The following DNAJC6 variants were observed in gnomAD, a reference collection of about 807,000 sequenced individuals.
The protein encoded by DNAJC6 is auxilin.
Under a neutral mutation model 110.0 loss-of-function variants are expected in DNAJC6, and 34 were observed. The observed-to-expected ratio is 0.31, with a 90% CI of 0.24 to 0.41. The LOEUF (loss-of-function observed/expected upper bound fraction) is 0.41. DNAJC6 is among the 10% of genes least tolerant of loss of function. The pLI, the probability that DNAJC6 is intolerant of heterozygous loss-of-function variation, is 1.00. For missense variants in DNAJC6, 1,031 were observed against 1,207.8 expected (o/e 0.85, Z 2.17); for synonymous variants, 406 against 437.2 (o/e 0.93, Z 0.89).
At chr1:65,319,330 C>T (rs867905600) in intron 1 of DNAJC6, among the ~76,000 whole-genome samples, 1 of 151,930 alleles carries the variant, frequency 6.6e-6, no homozygotes, top group Non-Finnish European at 1.5e-5. Context: ...TGTGCAGATG[C>T]CCAGGGGAGT....
intron 1 of DNAJC6, among the ~76,000 whole-genome samples, chr1:65,291,282 C>T (rs1403241101): frequency 2.0e-5 from 3 of 152,184 alleles, no homozygotes; most frequent in Non-Finnish European, 4.4e-5. Flanking sequence ...ATCCACCCAC[C>T]TTGGCCTCCC....
At chr1:65,348,772 T>C (rs1645460561) in intron 1 of DNAJC6, among the ~76,000 whole-genome samples, 1 of 150,902 alleles carries the variant, frequency 6.6e-6, no homozygotes, top group African/African-American at 2.4e-5. Context: ...ATTATTAATA[T>C]AATTGGGATT....
At chr1:65,300,794 T>C (rs11208621) in intron 1 of DNAJC6, among the ~76,000 whole-genome samples, 14,556 of 152,222 alleles carry the variant, frequency 0.096, 922 homozygotes, top group East Asian at 0.24. Flanking sequence ...AGTGATTTGG[T>C]GCTCTGGAGA....
intron 1 of DNAJC6, among the ~76,000 whole-genome samples, chr1:65,349,619 A>G (rs1460893285): frequency 6.6e-6 from 1 of 152,176 alleles, no homozygotes; most frequent in Non-Finnish European, 1.5e-5. Context: ...GCACTCTAAA[A>G]AAATTCATTT....
chr1:65,289,179 G>C (rs1341437253), intron 1 of DNAJC6, among the ~76,000 whole-genome samples: 1 of 152,054 alleles, frequency 6.6e-6, no homozygotes, highest in Non-Finnish European at 1.5e-5. Flanking sequence ...ACCAACATTT[G>C]ATACTGTCAG....
chr1:65,398,746 G>C (rs1428754249), intron 13 of DNAJC6, 67 bp from the exon 14 acceptor site: 1 of 1,546,428 alleles, frequency 6.5e-7, no homozygotes, highest in African/African-American at 1.4e-5. Context: ...GCATTATCCT[G>C]TGTGAACTCA....
At chr1:65,310,153 CTG>C (rs1393896783) in intron 1 of DNAJC6, among the ~76,000 whole-genome samples, 2 of 146,478 alleles carry the variant, frequency 1.4e-5, no homozygotes, top group Non-Finnish European at 3.0e-5. Context: ...GGCCCAGAGA[CTG>C]TAGCGAGCTC....
At chr1:65,312,834 C>G (rs1479566990) in intron 1 of DNAJC6, among the ~76,000 whole-genome samples, 1 of 152,230 alleles carries the variant, frequency 6.6e-6, no homozygotes, top group Non-Finnish European at 1.5e-5. Flanking sequence ...ACAGATAGCT[C>G]TGTCACCCAG....
intron 1 of DNAJC6, among the ~76,000 whole-genome samples, chr1:65,304,279 C>T (rs1399636289): frequency 6.6e-6 from 1 of 151,980 alleles, no homozygotes; most frequent in Non-Finnish European, 1.5e-5. Context: ...AACAGATATC[C>T]CCACTCCTAA....
Position 65,411,292 on chromosome 1 carries a change from C to T in DNAJC6, c.2677C>T (p.Leu893Phe), listed in dbSNP as rs375991616. The change falls in exon 18 of 19, where the codon CTT becomes TTT. Residue 893 changes from leucine (L) to phenylalanine (F), a missense_variant. Leu to Phe is a conservative substitution (Grantham distance 22). Coordinates refer to ENST00000371069, the MANE Select transcript of DNAJC6 (RefSeq NM_001256864.2). ...IEGKERNIRA[L>F]LSTMHTVLWA... Reference sequence around the variant, plus strand: ...AGGCAAAGAAAGAAATATCAGAGCCCTTCTTTCCACGATGCATACCGTACT... The same window carrying T: ...AGGCAAAGAAAGAAATATCAGAGCCTTTCTTTCCACGATGCATACCGTACT... 2.5e-6 allele frequency: 4 copies of T among 1,613,716 alleles called. No individual in the cohort carries two copies. In the African/African-American group the frequency reaches 4.0e-5, roughly 16 times the overall value.
Position 65,414,721 on chromosome 1 carries a change from G to A in DNAJC6, c.*1696G>A, listed in dbSNP as rs919728926. 4.6e-5 allele frequency: 7 copies of A among 152,522 alleles called. No homozygotes were observed. The highest frequency in any genetic ancestry group is 1.4e-4 in the African/African-American group (6 of 41,398). The allele number at this position is 152,522 out of a possible 1,614,324, so 9.4% of individuals were successfully genotyped here. ...GTTCAAGGTAACCATAACAAACTAG[G>A]TGTTATTTATTAACGTATTATAAAA... On this transcript the variant is annotated 3_prime_UTR_variant, in exon 19 of 19. Coordinates refer to ENST00000371069, the MANE Select transcript of DNAJC6 (RefSeq NM_001256864.2).
chr1:65,334,580 G>A (rs1254406215), intron 1 of DNAJC6, among the ~76,000 whole-genome samples: 2 of 152,178 alleles, frequency 1.3e-5, no homozygotes, highest in East Asian at 1.9e-4. Flanking sequence ...TTCTATGAAC[G>A]GGAGTGATAA....
Position 65,401,773 on chromosome 1 carries a change from T to A in DNAJC6, c.2120T>A (p.Met707Lys). The A allele has an allele frequency of 6.2e-7, 1 of 1,612,626 alleles. No individual in the cohort carries two copies. The highest frequency in any genetic ancestry group is 1.3e-5 in the African/African-American group (1 of 74,868). The change falls in exon 15 of 19, where the codon ATG (methionine) becomes AAG (lysine). Residue 707 changes from methionine to lysine, a missense_variant. Physicochemically the swap from Met to Lys is moderately conservative, Grantham distance 95 (BLOSUM62 -1). Transcript: ENST00000371069. ...ATTTCCTTTTCAGGAGGCTTTGGAA[T>A]GGGAAGCAAGTCAGCTGCCACCAGC... ...DWHAKPGGFGMGSKSAATSPT... is the reference protein window; with the variant it reads ...DWHAKPGGFGKGSKSAATSPT...
upstream of DNAJC6, chr1:65,309,386 A>G (rs952416945): frequency 4.8e-6 from 1 of 208,448 alleles, no homozygotes; most frequent in African/African-American, 2.4e-5. Flanking sequence ...CGACGCGGCG[A>G]CACCTATAGG....
In DNAJC6 at chr1:65,414,964, A is replaced by G. The variant is rs1646158403; in HGVS notation, c.*1939A>G. ...GTTTGGATAATTCATCAATGTTCAC[A>G]GTTTAAAACATCATTAAACATTATG... On this transcript the variant is annotated 3_prime_UTR_variant, in exon 19 of 19. Transcript: ENST00000371069. 2 of 152,564 alleles carry G rather than the reference A, an allele frequency of 1.3e-5. No individual in the cohort carries two copies. Among genetic ancestry groups the G allele is most frequent in the South Asian group, 4.1e-4 (2 of 4,832 alleles). 9.5% of individuals were successfully genotyped at this position (152,564 alleles called of 1,614,324 possible).
chr1:65,342,891 A>G (rs1321306656), intron 1 of DNAJC6, among the ~76,000 whole-genome samples: 2 of 152,188 alleles, frequency 1.3e-5, no homozygotes, highest in Admixed American at 1.3e-4. Flanking sequence ...GTCATGCTGA[A>G]TACTTGATAC....
chr1:65,274,982 T>A (rs183570429), intron 1 of DNAJC6, among the ~76,000 whole-genome samples: 1 of 152,186 alleles, frequency 6.6e-6, no homozygotes, highest in South Asian at 2.1e-4. Context: ...TTTCAGACAA[T>A]GTTAGGCGCT....
intron 1 of DNAJC6, among the ~76,000 whole-genome samples, chr1:65,344,850 G>A (rs1350197400): frequency 6.6e-6 from 1 of 152,084 alleles, no homozygotes; most frequent in Non-Finnish European, 1.5e-5. Flanking sequence ...CAAGCAGGAT[G>A]GGGCTACATA....
At chr1:65,271,111 A>G (rs1447866468) in intron 1 of DNAJC6, among the ~76,000 whole-genome samples, 1 of 151,290 alleles carries the variant, frequency 6.6e-6, no homozygotes, top group Non-Finnish European at 1.5e-5. Context: ...AAACATTATT[A>G]TTTTTTCATT....
Sources: allele counts gnomAD v4.1 joint callset (sites outside exome capture counted in the v4.1 genomes callset), GRCh38; gene constraint gnomAD v4.1.1; transcripts MANE v1.5; gene names NCBI Gene and HGNC (gene_info 2026-07-23, HGNC 2026-07-21).